The following SUSD1 variants were observed in gnomAD, a reference collection of about 807,000 sequenced individuals.
The protein encoded by SUSD1 is sushi domain-containing protein 1.
A neutral mutation model predicts 86.9 loss-of-function variants in SUSD1; 65 were observed. The observed-to-expected ratio is 0.75, with a 90% CI of 0.61 to 0.92. The LOEUF is 0.92. Among genes scored for constraint, SUSD1 ranks in the 40% least tolerant of loss-of-function variants. The pLI, the probability that SUSD1 is intolerant of heterozygous loss-of-function variation, is 0.00. For missense variants in SUSD1, 850 were observed against 929.7 expected (o/e 0.91, Z 1.11); for synonymous variants, 346 against 350.0 (o/e 0.99, Z 0.13).
At chr9:112,122,903 T>C (rs1023882707) in intron 6 of SUSD1, among the ~76,000 whole-genome samples, 4 of 152,134 alleles carry the variant, frequency 2.6e-5, no homozygotes, top group Non-Finnish European at 4.4e-5. Flanking sequence ...ATACCTACAG[T>C]AGTGAAATTC....
chr9:112,173,042 G>A (rs1305159692), intron 1 of SUSD1, among the ~76,000 whole-genome samples: 2 of 152,158 alleles, frequency 1.3e-5, no homozygotes. Context: ...GCTGTGTTCA[G>A]CCATCTTAGT....
At chr9:112,101,583 C>T (rs1019014561) in intron 9 of SUSD1, among the ~76,000 whole-genome samples, 5 of 151,656 alleles carry the variant, frequency 3.3e-5, no homozygotes, top group African/African-American at 9.7e-5. Context: ...TGGTGGCTCA[C>T]GCCTGTAATC....
chr9:112,043,895 G>T (rs553032852), intron 15 of SUSD1, among the ~76,000 whole-genome samples: 136 of 152,234 alleles, frequency 8.9e-4, no homozygotes, highest in African/African-American at 3.2e-3. Flanking sequence ...CCACCTCCCG[G>T]ATTCAAGCGA....
chr9:112,041,807 G>T, intron 16 of SUSD1, 60 bp downstream of exon 16: 1 of 1,525,254 alleles, frequency 6.6e-7, no homozygotes, highest in South Asian at 1.2e-5. Context: ...TGTTCTTCGT[G>T]ACTCTGACCC....
intron 6 of SUSD1, among the ~76,000 whole-genome samples, chr9:112,117,082 G>C (rs1431185565): frequency 6.6e-6 from 1 of 152,254 alleles, no homozygotes; most frequent in African/African-American, 2.4e-5. Context: ...GGAGGTTGCA[G>C]TGAGCTGAGA....
intron 1 of SUSD1, among the ~76,000 whole-genome samples, chr9:112,165,713 A>G (rs1332298310): frequency 6.6e-6 from 1 of 151,556 alleles, no homozygotes; most frequent in Non-Finnish European, 1.5e-5. Context: ...CCTGGCATAC[A>G]CTTCATTCTT....
At chr9:112,159,039 G>A (rs1833457559) in intron 1 of SUSD1, among the ~76,000 whole-genome samples, 1 of 151,536 alleles carries the variant, frequency 6.6e-6, no homozygotes, top group Admixed American at 6.6e-5. Context: ...TGTTTAAGAT[G>A]ACAGTGATAT....
intron 10 of SUSD1, among the ~76,000 whole-genome samples, chr9:112,089,828 AAAAAG>A (rs1475015396): frequency 8.9e-5 from 13 of 145,662 alleles, no homozygotes; most frequent in East Asian, 2.0e-4. Flanking sequence ...AAAAAAAAAA[AAAAAG>A]AAAAGAAAAG....
chr9:112,096,666 A>G (rs1564290198), intron 10 of SUSD1, among the ~76,000 whole-genome samples: 1 of 151,998 alleles, frequency 6.6e-6, no homozygotes, highest in African/African-American at 2.4e-5. Context: ...CAGCCTCCCA[A>G]GTAGCTGGGA....
intron 12 of SUSD1, among the ~76,000 whole-genome samples, chr9:112,078,058 T>C (rs780237854): frequency 4.2e-4 from 63 of 151,554 alleles, no homozygotes; most frequent in Non-Finnish European, 8.5e-4. Context: ...AAATAAAACA[T>C]AACAGGCTGG....
chr9:112,097,857 C>G (rs1225217820), intron 10 of SUSD1, among the ~76,000 whole-genome samples: 1 of 152,222 alleles, frequency 6.6e-6, no homozygotes, highest in Non-Finnish European at 1.5e-5. Flanking sequence ...GTAAATTTGT[C>G]TGATAAACCC....
chr9:112,175,295 G>T lies in SUSD1; in HGVS notation c.-60C>A. On this transcript the variant is annotated 5_prime_UTR_variant, in exon 1 of 17. Transcript: ENST00000374270. This position sits in a 1 kb window ranked among gnomAD's most constrained non-coding sequence, Gnocchi z 4.7. ...CCTCCCGGGGCCCTCAGGGTGCAGA[G>T]ATAAGGCTACAGGCGCCGCGGGGAG... 9.0e-7 allele frequency: 1 copy of T among 1,116,838 alleles called. No homozygotes were observed. Among genetic ancestry groups the T allele is most frequent in the Admixed American group, 5.0e-5 (1 of 19,948 alleles). The allele number at this position is 1,116,838 out of a possible 1,614,324, so 69.2% of individuals were successfully genotyped here.
chr9:112,097,924 A>AG (rs916318447), intron 10 of SUSD1, among the ~76,000 whole-genome samples: 13 of 152,216 alleles, frequency 8.5e-5, no homozygotes, highest in African/African-American at 3.1e-4. Flanking sequence ...CCATCCCACT[A>AG]GGGGGAGCTG....
chr9:112,051,408 CTTT>C (rs746946192), intron 15 of SUSD1, among the ~76,000 whole-genome samples: 36 of 77,038 alleles, frequency 4.7e-4, no homozygotes, highest in Middle Eastern at 0.022. Context: ...TTTTTCTTTT[CTTT>C]TTTTTTTTTT....
At chr9:112,074,905 A>G (rs190053101) in intron 12 of SUSD1, among the ~76,000 whole-genome samples, 6 of 152,078 alleles carry the variant, frequency 3.9e-5, no homozygotes, top group Middle Eastern at 3.4e-3. Flanking sequence ...AGGCATCTCA[A>G]TGAACATTAA....
At position 112,069,555 on chromosome 9, in the gene SUSD1, G is replaced by A. The variant is rs543250531; in HGVS notation, c.1754-6522C>T. Reference sequence around the variant, plus strand: ...TGCCCTCAGGCCCTTTGCTATCACCGAAATGCCCTTTCACTTGTGACGTTT... The same window carrying A: ...TGCCCTCAGGCCCTTTGCTATCACCAAAATGCCCTTTCACTTGTGACGTTT... On this transcript the variant is annotated intron_variant, in intron 12 of 16. Coordinates refer to ENST00000374270, the MANE Select transcript of SUSD1 (RefSeq NM_022486.5). Among the ~76,000 whole-genome samples the A allele has an allele frequency of 1.8e-3, 267 of 152,226 alleles. 2 individuals are homozygous for A. Among genetic ancestry groups the A allele is most frequent in the Middle Eastern group, 0.01 (3 of 294 alleles).
intron 10 of SUSD1, among the ~76,000 whole-genome samples, chr9:112,093,293 T>C (rs2131593985): frequency 6.6e-6 from 1 of 152,316 alleles, no homozygotes; most frequent in African/African-American, 2.4e-5. Context: ...AATAAGTTCA[T>C]ATATTACAGG....
intron 3 of SUSD1, among the ~76,000 whole-genome samples, chr9:112,145,067 C>A (rs936672279): frequency 1.3e-5 from 2 of 151,972 alleles, no homozygotes; most frequent in Non-Finnish European, 2.9e-5. Flanking sequence ...CACAGCAAGA[C>A]CCTCATCTCT....
intron 8 of SUSD1, among the ~76,000 whole-genome samples, chr9:112,103,475 C>T (rs1830710603): frequency 6.6e-6 from 1 of 152,158 alleles, no homozygotes; most frequent in Non-Finnish European, 1.5e-5. Context: ...TAAGAAATAC[C>T]ACATAAAGCT....
Sources: allele counts gnomAD v4.1 joint callset (sites outside exome capture counted in the v4.1 genomes callset), GRCh38; gene constraint gnomAD v4.1.1; non-coding constraint Gnocchi (gnomAD v3.1); transcripts MANE v1.5; gene names NCBI Gene and HGNC (gene_info 2026-07-23, HGNC 2026-07-21).